The following CSMD1 variants were observed in gnomAD, a reference collection of about 807,000 sequenced individuals.
The protein encoded by CSMD1 is CUB and Sushi multiple domains 1, also known as CUB and sushi domain-containing protein 1.
In CSMD1, 213 loss-of-function variants were observed where a neutral mutation model predicts 417.5. The ratio of observed to expected loss-of-function variants is 0.51; its 90% CI spans 0.46 to 0.57. The LOEUF (loss-of-function observed/expected upper bound fraction) is 0.57. CSMD1 is among the 20% of genes least tolerant of loss of function. The pLI, the probability that CSMD1 is intolerant of heterozygous loss-of-function variation, is 0.00. For synonymous variants in CSMD1, 2,862 were observed against 1,736.8 expected (o/e 1.65, Z -16.11); for missense variants, 6,923 against 4,529.7 (o/e 1.53, Z -15.17).
At chr8:3,887,776 G>C (rs1337392314) in intron 5 of CSMD1, among the ~76,000 whole-genome samples, 1 of 152,096 alleles carries the variant, frequency 6.6e-6, no homozygotes, top group East Asian at 1.9e-4. Context: ...AATGAACTGA[G>C]TGTGTGGTAT....
chr8:3,302,845 C>T (rs889038193), intron 25 of CSMD1, among the ~76,000 whole-genome samples: 1 of 152,152 alleles, frequency 6.6e-6, no homozygotes, highest in Non-Finnish European at 1.5e-5. Flanking sequence ...TGTTATTTAA[C>T]TAATCTGTGG....
At chr8:4,238,213 C>A (rs533722987) in intron 3 of CSMD1, among the ~76,000 whole-genome samples, 33 of 152,270 alleles carry the variant, frequency 2.2e-4, no homozygotes, top group African/African-American at 7.9e-4. Flanking sequence ...CACTCCCACC[C>A]TATAAAATGG....
chr8:4,336,272 A>G (rs1390758037), intron 3 of CSMD1, among the ~76,000 whole-genome samples: 1 of 152,122 alleles, frequency 6.6e-6, no homozygotes, highest in Admixed American at 6.6e-5. Flanking sequence ...AATAGACAGT[A>G]TTTTATGTCA....
chr8:4,741,453 T>C (rs1164472215), intron 1 of CSMD1, among the ~76,000 whole-genome samples: 1 of 152,216 alleles, frequency 6.6e-6, no homozygotes, highest in Non-Finnish European at 1.5e-5. Context: ...TGTTGAAATA[T>C]GTAATATTTA....
At chr8:3,159,165 T>C (rs993331680) in intron 38 of CSMD1, among the ~76,000 whole-genome samples, 5 of 152,132 alleles carry the variant, frequency 3.3e-5, no homozygotes, top group African/African-American at 1.2e-4. Context: ...GGGAAAAACA[T>C]AGAGTTCAAA....
chr8:4,039,034 G>A (rs1220038391), intron 3 of CSMD1, among the ~76,000 whole-genome samples: 1 of 142,790 alleles, frequency 7.0e-6, no homozygotes, highest in African/African-American at 2.7e-5. Flanking sequence ...CTTTCCAAAA[G>A]AAAAGTGAAA....
intron 6 of CSMD1, among the ~76,000 whole-genome samples, chr8:3,751,957 T>G (rs1797363891): frequency 6.6e-6 from 1 of 152,206 alleles, no homozygotes; most frequent in Admixed American, 6.5e-5. Context: ...AATATTGACT[T>G]ATGGTTATGT....
chr8:3,525,332 C>G (rs573708574), intron 10 of CSMD1, among the ~76,000 whole-genome samples: 1 of 152,128 alleles, frequency 6.6e-6, no homozygotes, highest in Non-Finnish European at 1.5e-5. Context: ...AGAAGGGCAG[C>G]ATTTCAAAAG....
chr8:4,506,291 G>T (rs1271954458), intron 2 of CSMD1, among the ~76,000 whole-genome samples: 1 of 152,108 alleles, frequency 6.6e-6, no homozygotes, highest in Non-Finnish European at 1.5e-5. Context: ...GGAAGCTTCG[G>T]TGATGAAAAA....
intron 3 of CSMD1, among the ~76,000 whole-genome samples, chr8:4,032,929 G>C (rs141434269): frequency 1.4e-4 from 22 of 152,136 alleles, no homozygotes; most frequent in African/African-American, 4.8e-4. Flanking sequence ...TCTCTTCCCT[G>C]TTGGAATTAC....
intron 1 of CSMD1, among the ~76,000 whole-genome samples, chr8:4,789,309 T>C: frequency 6.6e-6 from 1 of 152,118 alleles, no homozygotes; most frequent in South Asian, 2.1e-4. Flanking sequence ...CACAACACCA[T>C]CTGTGGTTTA....
At chr8:3,555,835 A>C (rs1308102561) in intron 10 of CSMD1, among the ~76,000 whole-genome samples, 1 of 152,140 alleles carries the variant, frequency 6.6e-6, no homozygotes, top group Non-Finnish European at 1.5e-5. Flanking sequence ...CGGTGCCAAA[A>C]GTTTTTCTAT....
chr8:2,986,255 C>T (rs1203863796), intron 54 of CSMD1, among the ~76,000 whole-genome samples: 1 of 152,112 alleles, frequency 6.6e-6, no homozygotes, highest in African/African-American at 2.4e-5. Flanking sequence ...GGCACTTGGC[C>T]AAGCATTGGT....
At chr8:4,542,727 G>A (rs925219796) in intron 2 of CSMD1, among the ~76,000 whole-genome samples, 2 of 151,966 alleles carry the variant, frequency 1.3e-5, no homozygotes, top group African/African-American at 2.4e-5. Context: ...ATAATTCAAT[G>A]GATGGTCATG....
At position 3,723,596 on chromosome 8, in the gene CSMD1, A is replaced by C. The variant is rs150385649; in HGVS notation, c.932-15105T>G. On this transcript the variant is annotated intron_variant, in intron 6 of 69. Coordinates refer to ENST00000635120, the MANE Select transcript of CSMD1 (RefSeq NM_033225.6). ...TAGATAGTCTTTTTGCCAATGATGA[A>C]ATTCGGGTTTTCAAGAAAATATTAG... Among the ~76,000 whole-genome samples, 169 of 152,310 alleles carry C rather than the reference A, an allele frequency of 1.1e-3. 1 individual carries two copies. The highest frequency in any genetic ancestry group is 4.0e-3 in the African/African-American group (165 of 41,574).
At chr8:3,822,417 G>C (rs1280227513) in intron 5 of CSMD1, among the ~76,000 whole-genome samples, 2 of 152,138 alleles carry the variant, frequency 1.3e-5, no homozygotes, top group South Asian at 2.1e-4. Flanking sequence ...GCATTTTTTA[G>C]GTTGAATATC....
At chr8:3,889,564 T>C (rs564787295) in intron 5 of CSMD1, among the ~76,000 whole-genome samples, 1 of 146,648 alleles carries the variant, frequency 6.8e-6, no homozygotes, top group South Asian at 2.1e-4. Context: ...TGTGTCTGTG[T>C]GTGTGTATGT....
In CSMD1 at chr8:2,960,951, TATATATATATATATAC is replaced by T. The variant is rs1158751546; in HGVS notation, c.9702+174_9702+189del. Among the ~76,000 whole-genome samples, 19 of 99,494 alleles carry T rather than the reference TATATATATATATATAC, an allele frequency of 1.9e-4. 1 individual carries two copies. Among genetic ancestry groups the T allele is most frequent in the African/African-American group, 1.0e-3 (17 of 16,430 alleles). The allele number at this position is 99,494 out of a possible 152,430, so 65.3% of individuals were successfully genotyped here. A position where few individuals can be genotyped will look rare whatever the true frequency, so the allele number is the denominator to read the frequency against. On this transcript the variant is annotated intron_variant, in intron 62 of 69. Transcript: ENST00000635120. ...ATCTAGTAAGCAAGATATATATATATATATATATATATATACATATATTGATTTTGACAGTTAAAAA... is the reference window on the plus strand; with the variant it reads ...ATCTAGTAAGCAAGATATATATATATATATATTGATTTTGACAGTTAAAAA...
chr8:3,633,872 G>A (rs1316814095), intron 7 of CSMD1, among the ~76,000 whole-genome samples: 1 of 152,136 alleles, frequency 6.6e-6, no homozygotes, highest in Non-Finnish European at 1.5e-5. Flanking sequence ...ACACAGAGAA[G>A]AAACCTGACG....
Sources: gnomAD v4.1 joint callset for allele counts (sites outside exome capture counted in the v4.1 genomes callset) on GRCh38, gnomAD v4.1.1 for gene constraint, MANE v1.5 for transcripts, NCBI Gene and HGNC (gene_info 2026-07-23, HGNC 2026-07-21) for gene names.